MYBBP1A: variants seen among roughly 807,000 people sequenced by gnomAD.
The protein encoded by MYBBP1A is myb-binding protein 1A.
A neutral mutation model predicts 136.3 loss-of-function variants in MYBBP1A; 147 were observed. That is an observed-to-expected ratio of 1.08 (90% confidence interval 0.94 to 1.24). The LOEUF is 1.24. MYBBP1A is among the 50% of genes most tolerant of loss of function. The pLI, the probability that MYBBP1A is intolerant of heterozygous loss-of-function variation, is 0.00. For synonymous variants in MYBBP1A, 947 were observed against 735.8 expected, an observed-to-expected ratio of 1.29 and a Z score of -4.65; for missense variants, 2,060 against 1,727.4, an observed-to-expected ratio of 1.19 and a Z score of -3.41.
rs1907886180 is a variant in MYBBP1A, at chr17:4,554,892, G to A, written c.263C>T (p.Ala88Val). ...CAGGGCCAAACTGTAGCAGGGCCGGGCTGTTTCTCGCCCGACCCCGAGTCC... is the reference window on the plus strand; with the variant it reads ...CAGGGCCAAACTGTAGCAGGGCCGGACTGTTTCTCGCCCGACCCCGAGTCC... ...ITGLGVGRET[A>V]RPCYSLALAQ... Residue 88 changes from alanine (A) to valine (V), a missense_variant, in exon 2 of 26, where the codon GCC becomes GTC. By Grantham distance (64) the Ala-to-Val change is moderately conservative. Coordinates refer to ENST00000254718, the MANE Select transcript of MYBBP1A (RefSeq NM_014520.4). 2 of 1,613,578 alleles carry A rather than the reference G, an allele frequency of 1.2e-6. No individual in the cohort carries two copies. The highest frequency in any genetic ancestry group is 1.7e-6 in the Non-Finnish European group (2 of 1,180,018).
At chr17:4,544,424 G>A (rs550435909) in intron 19 of MYBBP1A, 65 bp downstream of exon 19, 6 of 1,532,176 alleles carry the variant, frequency 3.9e-6, no homozygotes, top group South Asian at 1.2e-5. Flanking sequence ...CAAGCCTAGA[G>A]CTCTGGCTCT....
At chr17:4,542,055 C>T (rs1229743461) in intron 22 of MYBBP1A, 164 bp from the exon 23 acceptor site, 3 of 612,688 alleles carry the variant, frequency 4.9e-6, no homozygotes, top group Non-Finnish European at 8.6e-6. Context: ...CCTTTGTGTG[C>T]AGGTGGGGAC....
chr17:4,547,902 G>A, intron 13 of MYBBP1A, 56 bp downstream of exon 13: 2 of 1,348,192 alleles, frequency 1.5e-6, no homozygotes, highest in Non-Finnish European at 9.8e-7. Context: ...TCGGTAGGGG[G>A]CCCATTGTGC....
intron 8 of MYBBP1A, 93 bp downstream of exon 8, chr17:4,551,787 C>G: frequency 1.8e-6 from 2 of 1,122,718 alleles, no homozygotes; most frequent in South Asian, 2.6e-5. Context: ...ATAGCTCTAG[C>G]CAAGCCCCCG....
At position 4,545,669 on chromosome 17, in the gene MYBBP1A, T is replaced by A; in HGVS notation, c.2014A>T (p.Ser672Cys). 1 of 1,611,416 alleles carries A rather than the reference T, an allele frequency of 6.2e-7. No individual in the cohort carries two copies. The highest frequency in any genetic ancestry group is 1.1e-5 in the South Asian group (1 of 90,942). ...TGGGAGCAGATGTGGCCAAACACGC[T>A]CCGGGCCACCTGGCGCATGAGGTGG... Reference protein sequence around the residue: ...PSHLMRQVARSVFGHICSHLT... With the variant: ...PSHLMRQVARCVFGHICSHLT... Residue 672 changes from serine to cysteine, a missense_variant, in exon 15 of 26, where the codon AGC becomes TGC. Coordinates refer to ENST00000254718, the MANE Select transcript of MYBBP1A (RefSeq NM_014520.4).
Position 4,544,853 on chromosome 17 carries a change from G to C in MYBBP1A, c.2379C>G (p.Leu793=), listed in dbSNP as rs114974895. The C allele has an allele frequency of 3.8e-5, 61 of 1,607,226 alleles. No homozygotes were observed. Among genetic ancestry groups the C allele is most frequent in the Non-Finnish European group, 4.9e-5 (58 of 1,177,608 alleles). Residue 793 remains leucine (L), a synonymous_variant, in exon 18 of 26, where the codon CTC becomes CTG. Coordinates refer to ENST00000254718, the MANE Select transcript of MYBBP1A (RefSeq NM_014520.4). The stretch of plus-strand genomic sequence containing the variant: ...GCTTCTGCTCGGCAAAGAGGCTGGC[G>C]AGGCTCTGGTCCAGGGCCATCATGG... ...DEAMMALDQS[L]ASLFAEQKLR...
Position 4,544,752 on chromosome 17 carries a change from C to T in MYBBP1A, c.2480G>A (p.Arg827Gln), listed in dbSNP as rs775233341. 7.1e-6 allele frequency: 11 copies of T among 1,553,982 alleles called. No homozygotes were observed. The Admixed American group carries it at 7.3e-5, about 10-fold the overall frequency. ...EKALRRDFQI[R>Q]VLDLVEVLVT... ...GGTGCGGCCCGCCCCCAGGCTCACC[C>T]GGATCTGGAAGTCGCGCCGCAGAGC... Residue 827 changes from arginine to glutamine, a missense_variant and splice_region_variant, in exon 18 of 26, where the codon CGG becomes CAG. Transcript: ENST00000254718.
In MYBBP1A at chr17:4,543,018, G is replaced by T; in HGVS notation, c.2787C>A (p.Tyr929Ter). 6.2e-7 allele frequency: 1 copy of T among 1,613,964 alleles called. No individual in the cohort carries two copies. Among genetic ancestry groups the T allele is most frequent in the Non-Finnish European group, 8.5e-7 (1 of 1,179,988 alleles). Residue 929 changes from tyrosine to a stop codon, truncating the protein, a stop_gained, in exon 20 of 26, where the codon TAC becomes TAA. Coordinates refer to ENST00000254718, the MANE Select transcript of MYBBP1A (RefSeq NM_014520.4). LOFTEE classifies it high-confidence loss of function. ...TALYHFNASLYLLRVLKGNTA... is the reference protein window; with the variant it reads ...TALYHFNASL ...TGTTGCCCTTCAAGACCCGGAGCAG[G>T]TAGAGAGAGGCGTTGAAGTGGTAGA...
rs757893508 is a variant in MYBBP1A at position 4,541,529 on chromosome 17, C to A, written c.3231G>T (p.Ala1077=). Residue 1077 remains alanine (A), a synonymous_variant, in exon 24 of 26, where the codon GCG becomes GCT. Coordinates refer to ENST00000254718, the MANE Select transcript of MYBBP1A (RefSeq NM_014520.4). ...LRVLGEAQTK[A]QHQQALSSLE... ...GGGAGGACAGTGCCTGCTGATGCTG[C>A]GCCTTGGTCTGCGCCTCCCCCAGCA... 2 of 1,613,386 alleles carry A rather than the reference C, an allele frequency of 1.2e-6. No individual in the cohort carries two copies. The highest frequency in any genetic ancestry group is 1.7e-5 in the Admixed American group (1 of 60,034).
intron 5 of MYBBP1A, among the ~76,000 whole-genome samples, chr17:4,553,118 G>A (rs187918647): frequency 4.6e-5 from 7 of 152,258 alleles, no homozygotes; most frequent in South Asian, 4.2e-4. Flanking sequence ...CACCATGCCC[G>A]GTCAAAGCTA....
At position 4,539,707 on chromosome 17, in the gene MYBBP1A, C is replaced by T. The variant is rs754505036; in HGVS notation, c.3695G>A (p.Ser1232Asn). Residue 1232 changes from serine to asparagine, a missense_variant, in exon 26 of 26, where the codon AGT becomes AAT. By Grantham distance (46) the Ser-to-Asn change is conservative. Coordinates refer to ENST00000254718, the MANE Select transcript of MYBBP1A (RefSeq NM_014520.4). Reference sequence around the variant, plus strand: ...CCGGGTGGGGGCGCCAGGGGCTGGACTCTTGGTGGTTGGCGTCCCGTTTGC... The same window carrying T: ...CCGGGTGGGGGCGCCAGGGGCTGGATTCTTGGTGGTTGGCGTCCCGTTTGC... ...AQANGTPTTKSPAPGAPTRSP... is the reference protein window; with the variant it reads ...AQANGTPTTKNPAPGAPTRSP... 1 of 1,609,682 alleles carries T rather than the reference C, an allele frequency of 6.2e-7. No individual in the cohort carries two copies. Among genetic ancestry groups the T allele is most frequent in the Non-Finnish European group, 8.5e-7 (1 of 1,177,070 alleles).
chr17:4,550,248 A>C lies in MYBBP1A; in HGVS notation c.1129T>G (p.Phe377Val). Reference sequence around the variant, plus strand: ...AGGCCTTGGTTGGTGACAGATGAGAAGGCCACTAGCACGGCCAGCTGCCGC... The same window carrying C: ...AGGCCTTGGTTGGTGACAGATGAGACGGCCACTAGCACGGCCAGCTGCCGC... Reference protein sequence around the residue: ...PERQLAVLVAFSSVTNQGLPV... With the variant: ...PERQLAVLVAVSSVTNQGLPV... Residue 377 changes from phenylalanine to valine, a missense_variant, in exon 9 of 26, where the codon TTC (phenylalanine) becomes GTC (valine). Transcript: ENST00000254718. 1 of 1,613,656 alleles carries C rather than the reference A, an allele frequency of 6.2e-7. No homozygotes were observed. The highest frequency in any genetic ancestry group is 1.1e-5 in the South Asian group (1 of 91,088).
In MYBBP1A at chr17:4,550,042, C is replaced by G; in HGVS notation, c.1319+16G>C. The G allele has an allele frequency of 7.5e-6, 12 of 1,596,372 alleles. No homozygotes were observed. The highest frequency in any genetic ancestry group is 1.0e-5 in the Non-Finnish European group (12 of 1,169,286). On this transcript the variant is annotated intron_variant, in intron 9 of 25. Coordinates refer to ENST00000254718, the MANE Select transcript of MYBBP1A (RefSeq NM_014520.4). ...TTAACTCCTAAATTAGGTGTCCTCC[C>G]CCAAGGTCCACTCACATGTGGAGCG... is the stretch of plus-strand genomic sequence containing the variant.
At position 4,548,753 on chromosome 17, in the gene MYBBP1A, G is replaced by C. The variant is rs997296685; in HGVS notation, c.1431-104C>G. 1.1e-5 allele frequency: 16 copies of C among 1,495,864 alleles called. No homozygotes were observed. Among genetic ancestry groups the C allele is most frequent in the Non-Finnish European group, 1.5e-5 (16 of 1,098,600 alleles). 92.7% of individuals were successfully genotyped at this position (1,495,864 alleles called of 1,614,324 possible). ...GAGGGTACAAGGCCAGGAGGAGGAG[G>C]AGCCGCCCTTCTGCCCTGGGTACAG... On this transcript the variant is annotated intron_variant, in intron 10 of 25. Transcript: ENST00000254718. The surrounding 1 kb of genome is among the most constrained non-coding windows in gnomAD (Gnocchi z 4.2).
At chr17:4,549,114 C>T (rs1265573355) in intron 10 of MYBBP1A, among the ~76,000 whole-genome samples, 1 of 152,242 alleles carries the variant, frequency 6.6e-6, no homozygotes, top group Non-Finnish European at 1.5e-5. Context: ...GCGCGCAGAG[C>T]ACACCTGAAC....
intron 19 of MYBBP1A, among the ~76,000 whole-genome samples, chr17:4,544,082 T>G (rs974853086): frequency 1.3e-5 from 2 of 152,060 alleles, no homozygotes; most frequent in Non-Finnish European, 2.9e-5. Flanking sequence ...CAAACTCCCA[T>G]GCACACTACA....
At chr17:4,553,728 C>G (rs1029986961) in intron 5 of MYBBP1A, 82 bp downstream of exon 5, 5 of 1,012,946 alleles carry the variant, frequency 4.9e-6, no homozygotes, top group Non-Finnish European at 7.7e-6. Context: ...TGGAACAGTG[C>G]TGTTCCAGAT....
At chr17:4,549,265 C>G in intron 10 of MYBBP1A, 67 bp downstream of exon 10, 1 of 1,395,574 alleles carries the variant, frequency 7.2e-7, no homozygotes, top group South Asian at 1.2e-5. Flanking sequence ...CAAACTAGGA[C>G]GAGTTAAGGG....
rs942810409 is a variant in MYBBP1A at position 4,550,356 on chromosome 17, G to T, written c.1024-3C>A. 2 of 1,608,574 alleles carry T rather than the reference G, an allele frequency of 1.2e-6. No individual in the cohort carries two copies. Among genetic ancestry groups the T allele is most frequent in the African/African-American group, 2.7e-5 (2 of 74,826 alleles). ...GCAAACTTGAACTGCTTTGGGAGCTGCAAGAGTTAGGCATGGCGCTGAGCC... is the reference window on the plus strand; with the variant it reads ...GCAAACTTGAACTGCTTTGGGAGCTTCAAGAGTTAGGCATGGCGCTGAGCC... On this transcript the variant is annotated splice_region_variant and splice_polypyrimidine_tract_variant and intron_variant, in intron 8 of 25. Transcript: ENST00000254718.
Sources: allele counts gnomAD v4.1 joint callset (sites outside exome capture counted in the v4.1 genomes callset), GRCh38; gene constraint gnomAD v4.1.1; non-coding constraint Gnocchi (gnomAD v3.1); transcripts MANE v1.5; gene names NCBI Gene and HGNC (gene_info 2026-07-23, HGNC 2026-07-21).